CDK14: variants seen among roughly 807,000 people sequenced by gnomAD.
The protein encoded by CDK14 is cyclin dependent kinase 14, also known as cyclin-dependent kinase 14.
In CDK14, 34 loss-of-function variants were observed where a neutral mutation model predicts 60.7. The observed-to-expected ratio is 0.56, with a 90% CI of 0.43 to 0.75. The LOEUF is 0.75. Ranked by LOEUF, CDK14 falls within the 30% of genes least tolerant of loss-of-function variation. The pLI is 0.00. For synonymous variants in CDK14, 197 were observed against 203.7 expected, an observed-to-expected ratio of 0.97 and a Z score of 0.28; for missense variants, 482 against 564.1, an observed-to-expected ratio of 0.85 and a Z score of 1.47.
At chr7:91,095,666 A>G (rs1798961686) in intron 12 of CDK14, among the ~76,000 whole-genome samples, 1 of 152,146 alleles carries the variant, frequency 6.6e-6, no homozygotes, top group Admixed American at 6.6e-5. Flanking sequence ...ATGTTAGGAA[A>G]TTACGTATGG....
intron 5 of CDK14, among the ~76,000 whole-genome samples, chr7:90,843,268 C>T (rs1790359985): frequency 6.6e-6 from 1 of 152,078 alleles, no homozygotes; most frequent in South Asian, 2.1e-4. Context: ...AAAAAATTCA[C>T]AATTATAGTT....
intron 12 of CDK14, among the ~76,000 whole-genome samples, chr7:91,095,508 G>A (rs1434943252): frequency 6.6e-6 from 1 of 152,148 alleles, no homozygotes. Flanking sequence ...GATCAACCAA[G>A]TAAAAACCGA....
intron 5 of CDK14, among the ~76,000 whole-genome samples, chr7:90,832,926 GGAC>G (rs1789960269): frequency 6.6e-6 from 1 of 152,106 alleles, no homozygotes; most frequent in Non-Finnish European, 1.5e-5. Flanking sequence ...AATGTTTCTG[GGAC>G]TGTCAGTGGT....
chr7:91,099,800 A>C (rs74475431), intron 12 of CDK14, among the ~76,000 whole-genome samples: 4,260 of 152,200 alleles, frequency 0.028, 194 homozygotes, highest in African/African-American at 0.095. Flanking sequence ...CTTATTATAG[A>C]TAGGCTATAA....
At chr7:91,029,599 C>G (rs913754483) in intron 10 of CDK14, among the ~76,000 whole-genome samples, 121 of 132,256 alleles carry the variant, frequency 9.1e-4, no homozygotes, top group Admixed American at 1.6e-3. Context: ...CTCTCCTCTC[C>G]TCTCCTCTCC....
chr7:90,833,748 T>C (rs1461241955), intron 5 of CDK14, among the ~76,000 whole-genome samples: 2 of 152,200 alleles, frequency 1.3e-5, no homozygotes, highest in African/African-American at 4.8e-5. Context: ...TTAAATAGCC[T>C]TTTATGTAGC....
chr7:90,675,958 G>A (rs1333365573), intron 2 of CDK14, among the ~76,000 whole-genome samples: 3 of 152,200 alleles, frequency 2.0e-5, no homozygotes, highest in Admixed American at 2.0e-4. Context: ...GAGCCTTCAA[G>A]GTGGAGTTAG....
rs151336007 is a variant in CDK14, at chr7:90,649,909, C to T, written c.123+45660C>T. 1.4e-4 allele frequency among the ~76,000 whole-genome samples: 21 copies of T among 152,166 alleles called. No homozygotes were observed. In the East Asian group the frequency reaches 3.1e-3, roughly 22 times the overall value. On this transcript the variant is annotated intron_variant, in intron 2 of 14. Coordinates refer to ENST00000380050, the MANE Select transcript of CDK14 (RefSeq NM_001287135.2). Reference sequence around the variant, plus strand: ...AAGTCTGCTATTGTGAATAGTGGTGCGGTAAACATACATATGCATGTGTCT... The same window carrying T: ...AAGTCTGCTATTGTGAATAGTGGTGTGGTAAACATACATATGCATGTGTCT...
At chr7:90,987,396 T>A (rs1388143227) in intron 10 of CDK14, among the ~76,000 whole-genome samples, 1 of 152,084 alleles carries the variant, frequency 6.6e-6, no homozygotes, top group East Asian at 1.9e-4. Flanking sequence ...TTTCATTTAC[T>A]GTAGTTATTT....
chr7:91,037,268 G>A (rs868252552), intron 10 of CDK14, among the ~76,000 whole-genome samples: 1 of 152,140 alleles, frequency 6.6e-6, no homozygotes, highest in Admixed American at 6.5e-5. Flanking sequence ...TCTATTTCAC[G>A]TCATCTGAAA....
intron 5 of CDK14, among the ~76,000 whole-genome samples, chr7:90,847,977 G>A (rs976110971): frequency 1.3e-5 from 2 of 152,140 alleles, no homozygotes; most frequent in Non-Finnish European, 2.9e-5. Context: ...ATCCTTGTCA[G>A]TGTTATCATT....
intron 10 of CDK14, among the ~76,000 whole-genome samples, chr7:91,023,786 A>G (rs1796495573): frequency 1.3e-5 from 2 of 152,020 alleles, no homozygotes; most frequent in Non-Finnish European, 2.9e-5. Context: ...TTTATTTTTG[A>G]GATGGAGTCT....
chr7:90,688,495 A>G (rs1801486919), intron 2 of CDK14, among the ~76,000 whole-genome samples: 1 of 152,148 alleles, frequency 6.6e-6, no homozygotes, highest in African/African-American at 2.4e-5. Context: ...CTTTTTTAAA[A>G]AATTGTTTTT....
chr7:91,032,924 C>T (rs1432301221), intron 10 of CDK14, among the ~76,000 whole-genome samples: 3 of 152,032 alleles, frequency 2.0e-5, no homozygotes, highest in East Asian at 1.9e-4. Flanking sequence ...ATAACTTTGT[C>T]GTATTTAATT....
intron 10 of CDK14, among the ~76,000 whole-genome samples, chr7:91,033,742 T>C (rs1053857977): frequency 3.9e-5 from 6 of 152,212 alleles, no homozygotes; most frequent in African/African-American, 1.4e-4. Flanking sequence ...CTCCAGCCTC[T>C]GCAGCTTCCA....
At chr7:91,040,844 C>T (rs1797068989) in intron 10 of CDK14, among the ~76,000 whole-genome samples, 1 of 152,186 alleles carries the variant, frequency 6.6e-6, no homozygotes, top group Non-Finnish European at 1.5e-5. Flanking sequence ...TGTGCAAAAG[C>T]AAAGACTAGA....
In CDK14 at chr7:91,063,602, G is replaced by T. The variant is rs58139661; in HGVS notation, c.1106-15830G>T. The stretch of plus-strand genomic sequence containing the variant: ...TAATCTCTCAACTGTAAAAAAGGAG[G>T]ACAATTGACATCCTCTCAGAATGCC... On this transcript the variant is annotated intron_variant, in intron 11 of 14. Coordinates refer to ENST00000380050, the MANE Select transcript of CDK14 (RefSeq NM_001287135.2). Among the ~76,000 whole-genome samples, 1,234 of 152,286 alleles carry T rather than the reference G, an allele frequency of 8.1e-3. 19 individuals carry two copies. Among genetic ancestry groups the T allele is most frequent in the African/African-American group, 0.027 (1,138 of 41,562 alleles).
At chr7:90,600,268 T>C (rs1024408) in intron 1 of CDK14, among the ~76,000 whole-genome samples, 145,114 of 152,328 alleles carry the variant, frequency 0.95, 69,155 homozygotes, top group East Asian at 1. Flanking sequence ...CAAATGGGAA[T>C]TTAATTATTG....
chr7:91,077,621 G>T lies in CDK14; in HGVS notation c.1106-1811G>T, dbSNP rs142131038. Among the ~76,000 whole-genome samples, 1,221 of 151,756 alleles carry T rather than the reference G, an allele frequency of 8.0e-3. 16 individuals are homozygous for T. Among genetic ancestry groups the T allele is most frequent in the African/African-American group, 0.028 (1,164 of 41,346 alleles). On this transcript the variant is annotated intron_variant, in intron 11 of 14. Coordinates refer to ENST00000380050, the MANE Select transcript of CDK14 (RefSeq NM_001287135.2). The stretch of plus-strand genomic sequence containing the variant: ...ACAAGTATACCTACATAACAAACCT[G>T]CATGTCTTGCACATGTATCCTGGAA...
Sources: allele counts gnomAD v4.1 joint callset (sites outside exome capture counted in the v4.1 genomes callset), GRCh38; gene constraint gnomAD v4.1.1; transcripts MANE v1.5; gene names NCBI Gene and HGNC (gene_info 2026-07-23, HGNC 2026-07-21).